The following GBE1 variants were observed in gnomAD, a reference collection of about 807,000 sequenced individuals.
GBE1 encodes 1,4-alpha-glucan-branching enzyme.
A neutral mutation model predicts 88.8 loss-of-function variants in GBE1; 70 were observed. The ratio of observed to expected loss-of-function variants is 0.79; its 90% CI spans 0.65 to 0.96. The LOEUF (loss-of-function observed/expected upper bound fraction) is 0.96. GBE1 is among the 40% of genes least tolerant of loss of function. GBE1 has a pLI of 0.00. For synonymous variants in GBE1, 284 were observed against 300.1 expected, an observed-to-expected ratio of 0.95 and a Z score of 0.56; for missense variants, 872 against 871.0, an observed-to-expected ratio of 1.00 and a Z score of -0.01.
At chr3:81,748,302 C>T (rs917476809) in intron 1 of GBE1, among the ~76,000 whole-genome samples, 2 of 152,136 alleles carry the variant, frequency 1.3e-5, no homozygotes, top group African/African-American at 4.8e-5. Flanking sequence ...GCACTATATA[C>T]CTATTAGTTA....
chr3:81,548,637 T>C (rs1053204582), intron 12 of GBE1, among the ~76,000 whole-genome samples: 1 of 151,356 alleles, frequency 6.6e-6, no homozygotes, highest in East Asian at 1.9e-4. Context: ...AAAATTGTTA[T>C]GTTGTTTTGA....
chr3:81,738,284 G>A (rs1706298666), intron 1 of GBE1, among the ~76,000 whole-genome samples: 1 of 150,426 alleles, frequency 6.6e-6, no homozygotes, highest in Non-Finnish European at 1.5e-5. Context: ...GGGATGGCTG[G>A]GTCAAATGGT....
At chr3:81,605,591 T>C (rs899567920) in intron 7 of GBE1, among the ~76,000 whole-genome samples, 2 of 152,226 alleles carry the variant, frequency 1.3e-5, no homozygotes, top group Non-Finnish European at 2.9e-5. Context: ...GAATGCTTAC[T>C]AAATAAATGG....
At chr3:81,689,919 CCTATTT>C (rs1705495679) in intron 2 of GBE1, among the ~76,000 whole-genome samples, 1 of 152,088 alleles carries the variant, frequency 6.6e-6, no homozygotes, top group African/African-American at 2.4e-5. Context: ...GTGGAGGATC[CCTATTT>C]CCCATTTTTT....
At chr3:81,557,823 TGAG>T (rs1290491458) in intron 12 of GBE1, among the ~76,000 whole-genome samples, 1 of 151,804 alleles carries the variant, frequency 6.6e-6, no homozygotes, top group East Asian at 1.9e-4. Flanking sequence ...TAGAAGAAAC[TGAG>T]GAGAAGGAGT....
At chr3:81,616,873 T>C (rs1469230694) in intron 7 of GBE1, among the ~76,000 whole-genome samples, 1 of 152,096 alleles carries the variant, frequency 6.6e-6, no homozygotes, top group Non-Finnish European at 1.5e-5. Flanking sequence ...ATCAGTGTTT[T>C]ATAGTTTTCA....
At chr3:81,620,801 G>A (rs1033600849) in intron 7 of GBE1, among the ~76,000 whole-genome samples, 1 of 152,120 alleles carries the variant, frequency 6.6e-6, no homozygotes, top group Non-Finnish European at 1.5e-5. Context: ...AACCAGGCAG[G>A]AATGAGGATG....
intron 2 of GBE1, among the ~76,000 whole-genome samples, chr3:81,671,834 TGTCATCATAAATA>T: frequency 6.6e-6 from 1 of 152,008 alleles, no homozygotes; most frequent in Non-Finnish European, 1.5e-5. Flanking sequence ...ACTATAAACT[TGTCATCATAAATA>T]GATGAATCGA....
intron 1 of GBE1, among the ~76,000 whole-genome samples, chr3:81,720,160 T>C (rs1486017035): frequency 6.6e-6 from 1 of 152,076 alleles, no homozygotes; most frequent in Admixed American, 6.6e-5. Context: ...GTTTCAAAAT[T>C]CTGTCAGGCA....
At chr3:81,707,495 G>A (rs1705794144) in intron 1 of GBE1, among the ~76,000 whole-genome samples, 1 of 151,946 alleles carries the variant, frequency 6.6e-6, no homozygotes, top group African/African-American at 2.4e-5. Context: ...GTTATTGTAG[G>A]AGTGTGTCTA....
At chr3:81,684,808 G>C (rs1296995535) in intron 2 of GBE1, among the ~76,000 whole-genome samples, 2 of 151,986 alleles carry the variant, frequency 1.3e-5, no homozygotes, top group African/African-American at 4.8e-5. Context: ...GAAAACATTA[G>C]GCATGTCAAT....
intron 2 of GBE1, among the ~76,000 whole-genome samples, chr3:81,689,733 G>A (rs981246575): frequency 1.4e-4 from 22 of 152,096 alleles, no homozygotes; most frequent in African/African-American, 3.4e-4. Flanking sequence ...AGATAGCCAG[G>A]AGGGAAGGGG....
intron 12 of GBE1, among the ~76,000 whole-genome samples, chr3:81,574,980 C>T (rs935323837): frequency 1.4e-4 from 21 of 151,956 alleles, no homozygotes; most frequent in Admixed American, 5.9e-4. Context: ...CTGTCTAACA[C>T]GGTGAAACAC....
intron 7 of GBE1, among the ~76,000 whole-genome samples, chr3:81,632,280 G>A (rs1025130608): frequency 1.3e-5 from 2 of 152,132 alleles, no homozygotes; most frequent in African/African-American, 4.8e-5. Flanking sequence ...ATGTGGGCAT[G>A]TGTCTTTATA....
chr3:81,593,846 C>A (rs2106956778), intron 8 of GBE1, 62 bp downstream of exon 8: 1 of 755,432 alleles, frequency 1.3e-6, no homozygotes. Context: ...AACCAAGACA[C>A]CAGTAATGGC....
chr3:81,712,653 TG>T (rs1417688179), intron 1 of GBE1, among the ~76,000 whole-genome samples: 1 of 106,128 alleles, frequency 9.4e-6, no homozygotes, highest in Non-Finnish European at 1.9e-5. Flanking sequence ...TGTCGTGGGG[TG>T]GGGGAAGGGG....
intron 1 of GBE1, among the ~76,000 whole-genome samples, chr3:81,727,432 G>A (rs1396145761): frequency 6.6e-6 from 1 of 152,048 alleles, no homozygotes; most frequent in African/African-American, 2.4e-5. Flanking sequence ...TTTTAAGAAG[G>A]GTTATCAATC....
chr3:81,587,366 C>G (rs1208136816), intron 9 of GBE1, among the ~76,000 whole-genome samples: 1 of 152,036 alleles, frequency 6.6e-6, no homozygotes, highest in Non-Finnish European at 1.5e-5. Context: ...TTACCACAAC[C>G]ACAATCTTAT....
intron 12 of GBE1, among the ~76,000 whole-genome samples, chr3:81,554,939 A>C (rs1576146908): frequency 6.6e-6 from 1 of 152,124 alleles, no homozygotes; most frequent in East Asian, 1.9e-4. Flanking sequence ...TGATGCTTCT[A>C]TTGCTCCAGG....
Sources: gnomAD v4.1 joint callset for allele counts (sites outside exome capture counted in the v4.1 genomes callset) on GRCh38, gnomAD v4.1.1 for gene constraint, MANE v1.5 for transcripts, NCBI Gene and HGNC (gene_info 2026-07-23, HGNC 2026-07-21) for gene names.